Variants in CCDC170 observed in about 807,000 individuals in gnomAD.
The protein encoded by CCDC170 is coiled-coil domain containing 170.
A neutral mutation model predicts 72.6 loss-of-function variants in CCDC170; 69 were observed. The observed-to-expected ratio is 0.95, with a 90% CI of 0.78 to 1.16. The LOEUF (loss-of-function observed/expected upper bound fraction) is 1.16. Ranked by LOEUF, CCDC170 falls within the 50% of genes most tolerant of loss-of-function variation. CCDC170 has a pLI of 0.00. For missense variants in CCDC170, 852 were observed against 832.5 expected, an observed-to-expected ratio of 1.02 and a Z score of -0.29; for synonymous variants, 300 against 303.9, an observed-to-expected ratio of 0.99 and a Z score of 0.13.
chr6:151,580,834 C>G (rs148150316), intron 6 of CCDC170, among the ~76,000 whole-genome samples: 1 of 152,280 alleles, frequency 6.6e-6, no homozygotes, highest in African/African-American at 2.4e-5. Flanking sequence ...ACCTCAGAGA[C>G]CACTGCGACA....
At chr6:151,583,978 G>A (rs1404182428) in intron 6 of CCDC170, among the ~76,000 whole-genome samples, 1 of 152,144 alleles carries the variant, frequency 6.6e-6, no homozygotes, top group African/African-American at 2.4e-5. Flanking sequence ...TAACATCAAA[G>A]ATCTCCGATC....
chr6:151,565,974 G>A (rs1450657031), intron 5 of CCDC170, among the ~76,000 whole-genome samples: 3 of 152,164 alleles, frequency 2.0e-5, no homozygotes, highest in Non-Finnish European at 2.9e-5. Context: ...ACTGTCGGTG[G>A]TTGTCCAAGC....
chr6:151,520,965 T>C (rs1782306125), intron 1 of CCDC170, among the ~76,000 whole-genome samples: 1 of 152,176 alleles, frequency 6.6e-6, no homozygotes, highest in African/African-American at 2.4e-5. Context: ...TAACTCTTTC[T>C]CTATTGCAAT....
intron 1 of CCDC170, among the ~76,000 whole-genome samples, chr6:151,510,374 T>C (rs1439441077): frequency 1.3e-5 from 2 of 152,224 alleles, no homozygotes; most frequent in Non-Finnish European, 2.9e-5. Context: ...AAATGAGTTA[T>C]TTATTACAGT....
intron 6 of CCDC170, among the ~76,000 whole-genome samples, chr6:151,577,610 G>A (rs963180728): frequency 8.1e-6 from 1 of 123,462 alleles, no homozygotes; most frequent in Non-Finnish European, 1.7e-5. Flanking sequence ...CTGGTCCAGG[G>A]GCTCTGTGGG....
At chr6:151,547,350 C>T (rs958624941) in intron 4 of CCDC170, among the ~76,000 whole-genome samples, 1 of 152,112 alleles carries the variant, frequency 6.6e-6, no homozygotes, top group South Asian at 2.1e-4. Context: ...TAAATATCTA[C>T]GATTGCTCCA....
At chr6:151,612,060 C>T (rs1184063939) in intron 9 of CCDC170, among the ~76,000 whole-genome samples, 1 of 152,132 alleles carries the variant, frequency 6.6e-6, no homozygotes, top group Non-Finnish European at 1.5e-5. Flanking sequence ...CTGGATTCCT[C>T]AATTTAGTGA....
chr6:151,546,997 G>GAA (rs34984012), intron 4 of CCDC170, among the ~76,000 whole-genome samples: 27,722 of 148,292 alleles, frequency 0.19, 4,833 homozygotes, highest in African/African-American at 0.46. Context: ...GTCTTAAGAA[G>GAA]AAAAAAAAAA....
chr6:151,614,141 C>T (rs74355825), intron 9 of CCDC170, among the ~76,000 whole-genome samples: 2,552 of 151,964 alleles, frequency 0.017, 67 homozygotes, highest in African/African-American at 0.059. Context: ...TATCATTTTA[C>T]CCATTATTAA....
chr6:151,503,478 A>G, intron 1 of CCDC170, among the ~76,000 whole-genome samples: 1 of 151,974 alleles, frequency 6.6e-6, no homozygotes, highest in Non-Finnish European at 1.5e-5. Context: ...TTGAGGTGGA[A>G]TCTTGCTCTT....
intron 1 of CCDC170, among the ~76,000 whole-genome samples, chr6:151,519,569 G>A (rs1782288028): frequency 6.6e-6 from 1 of 152,196 alleles, no homozygotes; most frequent in East Asian, 1.9e-4. Flanking sequence ...AGTAAAGACA[G>A]GCATAAGAAA....
intron 1 of CCDC170, among the ~76,000 whole-genome samples, chr6:151,534,408 A>C (rs1782543137): frequency 6.6e-6 from 1 of 152,206 alleles, no homozygotes; most frequent in Non-Finnish European, 1.5e-5. Context: ...GAAATAATCA[A>C]ATAATCATAG....
chr6:151,563,817 C>T (rs1776084221), intron 5 of CCDC170, among the ~76,000 whole-genome samples: 1 of 152,192 alleles, frequency 6.6e-6, no homozygotes, highest in South Asian at 2.1e-4. Context: ...AGCTCTCCCA[C>T]CTACCCTTTC....
intron 1 of CCDC170, among the ~76,000 whole-genome samples, chr6:151,508,266 A>T (rs1008115020): frequency 5.3e-5 from 8 of 152,200 alleles, no homozygotes; most frequent in African/African-American, 1.7e-4. Flanking sequence ...TGCTGGGCCC[A>T]GTGTCTCACG....
At chr6:151,513,938 A>C (rs1325796017) in intron 1 of CCDC170, among the ~76,000 whole-genome samples, 1 of 150,592 alleles carries the variant, frequency 6.6e-6, no homozygotes, top group East Asian at 2.0e-4. Context: ...AAAAAAAAAA[A>C]AGAAAAAAGA....
At chr6:151,595,546 T>C (rs943954362) in intron 8 of CCDC170, among the ~76,000 whole-genome samples, 11 of 152,168 alleles carry the variant, frequency 7.2e-5, no homozygotes, top group Non-Finnish European at 1.2e-4. Context: ...CCAGGTGTGG[T>C]GGCTTACACC....
At chr6:151,551,897 A>G (rs1033400775) in intron 5 of CCDC170, among the ~76,000 whole-genome samples, 4 of 152,184 alleles carry the variant, frequency 2.6e-5, no homozygotes, top group Non-Finnish European at 5.9e-5. Flanking sequence ...TGGCTTAGCT[A>G]ATAATAATCT....
Position 151,593,217 on chromosome 6 carries a change from G to C in CCDC170, c.1404G>C (p.Leu468=), listed in dbSNP as rs1776570167. The C allele has an allele frequency of 3.1e-6, 5 of 1,614,152 alleles. No individual in the cohort carries two copies. Among genetic ancestry groups the C allele is most frequent in the Non-Finnish European group, 4.2e-6 (5 of 1,180,014 alleles). Residue 468 remains leucine (L), a synonymous_variant, in exon 8 of 11, where the codon CTG becomes CTC. Transcript: ENST00000239374. The stretch of plus-strand genomic sequence containing the variant: ...TGGTTTTAGCTCGAACAGAGCAGCT[G>C]GTTCGTCTTGAGAGCAATGCAGTCA... The part of the protein sequence containing the change: ...LDVVLARTEQ[L]VRLESNAVIE...
chr6:151,593,102 T>G lies in CCDC170; in HGVS notation c.1294-5T>G, dbSNP rs1776566696. The G allele has an allele frequency of 1.2e-6, 2 of 1,614,010 alleles. No homozygotes were observed. The highest frequency in any genetic ancestry group is 1.7e-6 in the Non-Finnish European group (2 of 1,179,966). ...TCCCATTTTTGTTTCTGTTCTTGGG[T>G]TTAGTATCTTAAATTTCTGGATCAG... On this transcript the variant is annotated splice_region_variant and splice_polypyrimidine_tract_variant and intron_variant, in intron 7 of 10. Transcript: ENST00000239374.
Sources: gnomAD v4.1 joint callset for allele counts (sites outside exome capture counted in the v4.1 genomes callset) on GRCh38, gnomAD v4.1.1 for gene constraint, MANE v1.5 for transcripts, NCBI Gene and HGNC (gene_info 2026-07-23, HGNC 2026-07-21) for gene names.